Variants in PTPRT observed in about 807,000 individuals in gnomAD.
PTPRT encodes receptor-type tyrosine-protein phosphatase T.
PTPRT carries 56 observed loss-of-function variants against 176.8 expected under a neutral mutation model. The observed-to-expected ratio is 0.32, with a 90% CI of 0.26 to 0.40. PTPRT has a LOEUF of 0.40. Ranked by LOEUF, PTPRT falls within the 10% of genes least tolerant of loss-of-function variation. The pLI is 1.00. For synonymous variants in PTPRT, 783 were observed against 739.0 expected (o/e 1.06, Z -0.96); for missense variants, 1,540 against 1,908.2 (o/e 0.81, Z 3.60).
rs755723791 is a variant in PTPRT at position 42,236,219 on chromosome 20, C to T, written c.2342+10G>A. The T allele has an allele frequency of 5.0e-6, 8 of 1,596,602 alleles. No homozygotes were observed. The highest frequency in any genetic ancestry group is 3.4e-5 in the Admixed American group (2 of 59,560). ...GCACGAAGCAAAGTTAACACCAGCT[C>T]GATACTTACAAGTAATAGGAGTAGG... On this transcript the variant is annotated intron_variant, in intron 15 of 30. Coordinates refer to ENST00000373187, the MANE Select transcript of PTPRT (RefSeq NM_007050.6).
chr20:42,082,797 A>C (rs1983468217), intron 29 of PTPRT, among the ~76,000 whole-genome samples: 1 of 152,262 alleles, frequency 6.6e-6, no homozygotes, highest in Admixed American at 6.5e-5. Flanking sequence ...TGCCTGATTC[A>C]GAACTCCTGG....
intron 1 of PTPRT, among the ~76,000 whole-genome samples, chr20:43,051,553 C>T (rs1017249273): frequency 6.7e-6 from 1 of 149,790 alleles, no homozygotes; most frequent in Non-Finnish European, 1.5e-5. Context: ...AACTCTGCTC[C>T]AATCCACCCA....
chr20:42,446,580 ATGTG>A (rs372328206), intron 9 of PTPRT, among the ~76,000 whole-genome samples: 7,871 of 139,444 alleles, frequency 0.056, 266 homozygotes, highest in Non-Finnish European at 0.071. Context: ...TTTCATGTAA[ATGTG>A]TGTGTGTGTG....
chr20:42,433,869 CT>C (rs2145809978), intron 9 of PTPRT, among the ~76,000 whole-genome samples: 1 of 152,294 alleles, frequency 6.6e-6, no homozygotes, highest in African/African-American at 2.4e-5. Flanking sequence ...AATTCAAACT[CT>C]CCTAACCAGC....
intron 1 of PTPRT, among the ~76,000 whole-genome samples, chr20:42,923,855 T>C (rs997105292): frequency 3.3e-5 from 5 of 151,400 alleles, no homozygotes; most frequent in Admixed American, 1.3e-4. Context: ...CTTTTTTTTT[T>C]CCTTAAGACA....
the PTPRT span, among the ~76,000 whole-genome samples, chr20:42,047,955 T>C: frequency 6.6e-6 from 1 of 151,946 alleles, no homozygotes; most frequent in Admixed American, 6.6e-5. Context: ...ATGGAGTGGG[T>C]TTGAAGGGTG....
intron 7 of PTPRT, among the ~76,000 whole-genome samples, chr20:42,671,793 A>G (rs568807656): frequency 6.6e-6 from 1 of 152,322 alleles, no homozygotes; most frequent in East Asian, 1.9e-4. Context: ...AAAAGAAACA[A>G]AATGATAAAT....
chr20:42,372,058 C>T (rs1015162584), intron 9 of PTPRT, among the ~76,000 whole-genome samples: 11 of 152,220 alleles, frequency 7.2e-5, no homozygotes, highest in African/African-American at 2.6e-4. Context: ...TGGAGTCACC[C>T]TGTATCAAGA....
chr20:42,945,010 T>C (rs1050802927), intron 1 of PTPRT, among the ~76,000 whole-genome samples: 1 of 151,214 alleles, frequency 6.6e-6, no homozygotes, highest in Non-Finnish European at 1.5e-5. Context: ...CAGTGTCATT[T>C]GTGGCCAGAC....
At chr20:42,366,749 T>C (rs959019295) in intron 9 of PTPRT, among the ~76,000 whole-genome samples, 1 of 149,330 alleles carries the variant, frequency 6.7e-6, no homozygotes, top group African/African-American at 2.5e-5. Context: ...CCTCTTGTGA[T>C]TCTAGTGGCT....
chr20:42,434,826 A>G (rs908551758), intron 9 of PTPRT, among the ~76,000 whole-genome samples: 3 of 151,480 alleles, frequency 2.0e-5, no homozygotes, highest in Non-Finnish European at 4.4e-5. Flanking sequence ...ATAGCCAAGC[A>G]TGGTGGCATG....
chr20:42,963,364 C>T (rs1221570674), intron 1 of PTPRT, among the ~76,000 whole-genome samples: 3 of 151,264 alleles, frequency 2.0e-5, no homozygotes, highest in African/African-American at 4.9e-5. Context: ...GCGACAGACC[C>T]AGATTCTAGA....
At chr20:42,701,718 G>A (rs2425534) in intron 6 of PTPRT, among the ~76,000 whole-genome samples, 3,652 of 152,220 alleles carry the variant, frequency 0.024, 175 homozygotes, top group African/African-American at 0.084. Context: ...ATTGGAGAAT[G>A]TGGTGTCCCA....
At position 42,113,225 on chromosome 20, in the gene PTPRT, TA is replaced by T. The variant is rs571905164; in HGVS notation, c.3099+1973del. On this transcript the variant is annotated intron_variant, in intron 22 of 30. Coordinates refer to ENST00000373187, the MANE Select transcript of PTPRT (RefSeq NM_007050.6). ...AGTAATATCTTCCCTCGTGGTTGTT[TA>T]AAAGACAAAGAAAATGTAACACGAG... Among the ~76,000 whole-genome samples, 25 of 152,300 alleles carry T rather than the reference TA, an allele frequency of 1.6e-4. 1 individual carries two copies. In the East Asian group the frequency reaches 4.8e-3, roughly 29 times the overall value.
At position 42,960,186 on chromosome 20, in the gene PTPRT, T is replaced by C. The variant is rs537193302; in HGVS notation, c.89-74254A>G. Among the ~76,000 whole-genome samples the C allele has an allele frequency of 5.1e-4, 78 of 152,314 alleles. 1 individual carries two copies. Among genetic ancestry groups the C allele is most frequent in the African/African-American group, 1.8e-3 (74 of 41,584 alleles). On this transcript the variant is annotated intron_variant, in intron 1 of 30. Transcript: ENST00000373187. Reference sequence around the variant, plus strand: ...ATAAATATTTTCACTGATTTATTAGTCCATTTCTGCTGATACAACAAAATA... The same window carrying C: ...ATAAATATTTTCACTGATTTATTAGCCCATTTCTGCTGATACAACAAAATA...
intron 16 of PTPRT, among the ~76,000 whole-genome samples, chr20:42,166,264 C>T (rs908991201): frequency 2.0e-5 from 3 of 152,196 alleles, no homozygotes; most frequent in Non-Finnish European, 2.9e-5. Flanking sequence ...AGCTCTCACC[C>T]AGCACTATCC....
Position 42,288,161 on chromosome 20 carries a change from C to A in PTPRT, c.2140-5636G>T, listed in dbSNP as rs116618274. Among the ~76,000 whole-genome samples the A allele has an allele frequency of 3.2e-3, 482 of 151,964 alleles. 6 individuals carry two copies. Among genetic ancestry groups the A allele is most frequent in the African/African-American group, 0.01 (422 of 41,526 alleles). ...TAAATACAGTTTGACAAATTTTTCA[C>A]CAAGTAAACACACACCTATGACCAG... is the stretch of plus-strand genomic sequence containing the variant. On this transcript the variant is annotated intron_variant, in intron 12 of 30. Transcript: ENST00000373187.
At chr20:43,016,476 A>C (rs1600650055) in intron 1 of PTPRT, among the ~76,000 whole-genome samples, 3 of 116,524 alleles carry the variant, frequency 2.6e-5, no homozygotes, top group Non-Finnish European at 5.3e-5. Flanking sequence ...TTTCCCTACC[A>C]CAGCTCTCCA....
Position 42,352,106 on chromosome 20 carries a change from A to C in PTPRT, c.1740T>G (p.Thr580=). The C allele has an allele frequency of 6.2e-7, 1 of 1,613,972 alleles. No homozygotes were observed. The highest frequency in any genetic ancestry group is 1.1e-5 in the South Asian group (1 of 91,042). The change falls in exon 10 of 31, where the codon ACT becomes ACG. Residue 580 remains threonine, a synonymous_variant. Coordinates refer to ENST00000373187, the MANE Select transcript of PTPRT (RefSeq NM_007050.6). ...TACCTGAAATTTTGGTGGCAATCCG[A>C]GTGGTGACAGGGGGCCCAAAGCCCT... ...TAKGFGPPVT[T]RIATKISAPS...
Sources: gnomAD v4.1 joint callset for allele counts (sites outside exome capture counted in the v4.1 genomes callset) on GRCh38, gnomAD v4.1.1 for gene constraint, MANE v1.5 for transcripts, NCBI Gene and HGNC (gene_info 2026-07-23, HGNC 2026-07-21) for gene names.